LARS2: variants seen among roughly 807,000 people sequenced by gnomAD.
LARS2 encodes the protein leucyl-tRNA synthetase 2, mitochondrial, also known as leucine--tRNA ligase, mitochondrial.
LARS2 carries 81 observed loss-of-function variants against 116.6 expected under a neutral mutation model. The observed-to-expected ratio is 0.69, with a 90% CI of 0.58 to 0.84. LARS2 has a LOEUF of 0.84. Ranked by LOEUF, LARS2 falls within the 40% of genes least tolerant of loss-of-function variation. The pLI, the probability that LARS2 is intolerant of heterozygous loss-of-function variation, is 0.00. For missense variants in LARS2, 968 were observed against 1,114.5 expected, an observed-to-expected ratio of 0.87 and a Z score of 1.87; for synonymous variants, 396 against 407.2, an observed-to-expected ratio of 0.97 and a Z score of 0.33.
intron 8 of LARS2, among the ~76,000 whole-genome samples, chr3:45,463,635 C>T (rs927308505): frequency 9.9e-5 from 15 of 151,978 alleles, no homozygotes; most frequent in African/African-American, 3.6e-4. Context: ...GCTGTTAACC[C>T]GCAGTCTCTC....
chr3:45,421,487 T>C (rs1217256224), intron 6 of LARS2: 2 of 152,224 alleles, frequency 1.3e-5, no homozygotes, highest in African/African-American at 4.8e-5. Flanking sequence ...ACTACCATTG[T>C]CTATTACTGA....
chr3:45,427,421 A>G (rs1698612651), intron 6 of LARS2, among the ~76,000 whole-genome samples: 1 of 152,208 alleles, frequency 6.6e-6, no homozygotes, highest in African/African-American at 2.4e-5. Context: ...CTATTCAGAA[A>G]AAGGAATCTT....
chr3:45,500,847 A>G (rs184412610), intron 15 of LARS2, among the ~76,000 whole-genome samples: 5 of 152,142 alleles, frequency 3.3e-5, no homozygotes, highest in Non-Finnish European at 7.3e-5. Flanking sequence ...CCTGTGAGGC[A>G]GAGAGGAGTG....
chr3:45,487,624 G>A (rs1699838289), intron 11 of LARS2, among the ~76,000 whole-genome samples: 1 of 152,156 alleles, frequency 6.6e-6, no homozygotes, highest in East Asian at 1.9e-4. Context: ...GGCAATTTTG[G>A]AAACATTTTT....
At chr3:45,488,387 C>G (rs942686787) in intron 11 of LARS2, among the ~76,000 whole-genome samples, 11 of 152,154 alleles carry the variant, frequency 7.2e-5, no homozygotes, top group Non-Finnish European at 1.6e-4. Flanking sequence ...GAGCCGAGAT[C>G]GTGCCACTGC....
chr3:45,510,852 AC>A (rs1700278626), intron 15 of LARS2, among the ~76,000 whole-genome samples: 1 of 152,180 alleles, frequency 6.6e-6, no homozygotes, highest in Admixed American at 6.5e-5. Flanking sequence ...GTGATCGTAA[AC>A]AGGCTGGCTC....
chr3:45,462,411 A>G (rs13096606), intron 8 of LARS2, among the ~76,000 whole-genome samples: 38,532 of 103,382 alleles, frequency 0.37, 5,234 homozygotes, highest in Middle Eastern at 0.51. Context: ...CGAGACCCCA[A>G]TTTCTACCAA....
At chr3:45,418,847 TACTTA>T (rs937651043) in intron 5 of LARS2, among the ~76,000 whole-genome samples, 1 of 152,242 alleles carries the variant, frequency 6.6e-6, no homozygotes, top group African/African-American at 2.4e-5. Context: ...TTGAGCAAAT[TACTTA>T]ACTTCTCTTT....
intron 6 of LARS2, among the ~76,000 whole-genome samples, chr3:45,425,927 T>C (rs1380303619): frequency 2.6e-5 from 4 of 151,512 alleles, no homozygotes; most frequent in South Asian, 2.1e-4. Context: ...CTTTTCTTTT[T>C]TTTTTTAATA....
rs1046630256 is a variant in LARS2 at position 45,549,367 on chromosome 3, C to T, written c.*1837C>T. 6.6e-6 allele frequency: 1 copy of T among 152,224 alleles called. No homozygotes were observed. 9.4% of individuals were successfully genotyped at this position (152,224 alleles called of 1,614,324 possible). A position where few individuals can be genotyped will look rare whatever the true frequency, so the allele number is the denominator to read the frequency against. The stretch of plus-strand genomic sequence containing the variant: ...CTTGAATGTACTCAGTCTCATTGCA[C>T]ATGGCAGTGAATATGGATTAAATAT... On this transcript the variant is annotated 3_prime_UTR_variant, in exon 22 of 22. Coordinates refer to ENST00000645846, the MANE Select transcript of LARS2 (RefSeq NM_015340.4).
intron 10 of LARS2, among the ~76,000 whole-genome samples, chr3:45,481,572 T>C (rs1455304107): frequency 6.6e-6 from 1 of 152,260 alleles, no homozygotes; most frequent in African/African-American, 2.4e-5. Flanking sequence ...TACCTCAGTG[T>C]AGTTTTAATT....
chr3:45,461,350 A>G (rs904914157), intron 8 of LARS2, among the ~76,000 whole-genome samples: 3 of 151,984 alleles, frequency 2.0e-5, no homozygotes, highest in Admixed American at 2.0e-4. Flanking sequence ...TCACACACCT[A>G]TGTAGTGAAC....
chr3:45,400,215 T>C, intron 3 of LARS2, 30 bp from the exon 4 acceptor site: 1 of 1,601,334 alleles, frequency 6.2e-7, no homozygotes, highest in Non-Finnish European at 8.5e-7. Context: ...AGAAAATGCT[T>C]AATAAATACT....
At chr3:45,419,348 A>G (rs1698479876) in intron 5 of LARS2, among the ~76,000 whole-genome samples, 1 of 152,174 alleles carries the variant, frequency 6.6e-6, no homozygotes. Flanking sequence ...CTTGCAGAAT[A>G]TTGACGTCTG....
chr3:45,516,858 T>C (rs1336628333), intron 17 of LARS2, among the ~76,000 whole-genome samples: 2 of 152,264 alleles, frequency 1.3e-5, no homozygotes, highest in East Asian at 3.9e-4. Flanking sequence ...TCCAGAGTTG[T>C]TTAGTACTAA....
chr3:45,549,127 T>G lies in LARS2; in HGVS notation c.*1597T>G, dbSNP rs1301751582. ...ATTCCAATTTAATTGGTCCATGGTG[T>G]GGCTTGAACACCAGGAATCTTTAAA... On this transcript the variant is annotated 3_prime_UTR_variant, in exon 22 of 22. Coordinates refer to ENST00000645846, the MANE Select transcript of LARS2 (RefSeq NM_015340.4). 2 of 152,252 alleles carry G rather than the reference T, an allele frequency of 1.3e-5. No homozygotes were observed. The highest frequency in any genetic ancestry group is 6.5e-5 in the Admixed American group (1 of 15,284). The allele number at this position is 152,252 out of a possible 1,614,324, so 9.4% of individuals were successfully genotyped here.
chr3:45,442,399 G>A lies in LARS2; in HGVS notation c.517-4492G>A, dbSNP rs552398332. Among the ~76,000 whole-genome samples, 82 of 152,244 alleles carry A rather than the reference G, an allele frequency of 5.4e-4. 1 individual carries two copies. Among genetic ancestry groups the A allele is most frequent in the Non-Finnish European group, 1.1e-3 (73 of 68,016 alleles). The stretch of plus-strand genomic sequence containing the variant: ...TTGTTCAACAACTATTTTATGGGAA[G>A]GGATGGACTCATGTTGTATCAAGAA... On this transcript the variant is annotated intron_variant, in intron 6 of 21. Coordinates refer to ENST00000645846, the MANE Select transcript of LARS2 (RefSeq NM_015340.4).
rs193166607 is a variant in LARS2, at chr3:45,513,070, T to C, written c.1761-65T>C. Reference sequence around the variant, plus strand: ...CTGCCCATCCGAGGGAAGGTCTGCGTTGCTGTTTTCTCAATGCCTCATGTC... The same window carrying C: ...CTGCCCATCCGAGGGAAGGTCTGCGCTGCTGTTTTCTCAATGCCTCATGTC... On this transcript the variant is annotated intron_variant, in intron 15 of 21. Transcript: ENST00000645846. 58 of 1,098,490 alleles carry C rather than the reference T, an allele frequency of 5.3e-5. No homozygotes were observed. The Middle Eastern group carries it at 5.9e-4, about 11-fold the overall frequency. 68.0% of individuals were successfully genotyped at this position (1,098,490 alleles called of 1,614,324 possible).
intron 11 of LARS2, among the ~76,000 whole-genome samples, chr3:45,488,306 G>A (rs535738026): frequency 6.6e-6 from 1 of 152,070 alleles, no homozygotes; most frequent in Non-Finnish European, 1.5e-5. Flanking sequence ...GGTAGCGCAC[G>A]CCTGTTATCC....
Sources: gnomAD v4.1 joint callset for allele counts (sites outside exome capture counted in the v4.1 genomes callset) on GRCh38, gnomAD v4.1.1 for gene constraint, MANE v1.5 for transcripts, NCBI Gene and HGNC (gene_info 2026-07-23, HGNC 2026-07-21) for gene names.